The following FMN1 variants were observed in gnomAD, a reference collection of about 807,000 sequenced individuals.
FMN1 encodes formin-1.
FMN1 carries 110 observed loss-of-function variants against 132.4 expected under a neutral mutation model. That is an observed-to-expected ratio of 0.83 (90% CI 0.71 to 0.97). The LOEUF (loss-of-function observed/expected upper bound fraction) is 0.97, where lower values mean the gene tolerates loss of function less well. FMN1 is among the 50% of genes least tolerant of loss of function. The probability of loss-of-function intolerance (pLI) is 0.00; values close to 1 mark genes in which losing one functional copy is unlikely to be tolerated. For synonymous variants in FMN1, 722 were observed against 651.7 expected (o/e 1.11, Z -1.64); for missense variants, 1,792 against 1,705.3 (o/e 1.05, Z -0.90).
intron 16 of FMN1, among the ~76,000 whole-genome samples, chr15:32,875,782 G>T (rs1305489038): frequency 6.6e-6 from 1 of 152,144 alleles, no homozygotes; most frequent in Non-Finnish European, 1.5e-5. Flanking sequence ...ACTTACTTAG[G>T]CAGAAAAAGT....
intron 5 of FMN1, among the ~76,000 whole-genome samples, chr15:33,082,765 T>C (rs1348612084): frequency 2.0e-5 from 3 of 152,170 alleles, no homozygotes; most frequent in South Asian, 2.1e-4. Context: ...GGGTGACTGA[T>C]AGATGCTACC....
intron 5 of FMN1, among the ~76,000 whole-genome samples, chr15:33,078,626 G>A (rs1030692934): frequency 7.0e-6 from 1 of 143,334 alleles, no homozygotes; most frequent in Non-Finnish European, 1.5e-5. Flanking sequence ...ACTAAAATCT[G>A]TAAAATCCAA....
Position 32,769,703 on chromosome 15 carries a change from C to G in FMN1, c.*4607G>C, listed in dbSNP as rs934458503. Reference sequence around the variant, plus strand: ...TTGGAAAGGCTAAAAATTATCCACTCTTTTCAAATCCCATCAGCTTGGCCA... The same window carrying G: ...TTGGAAAGGCTAAAAATTATCCACTGTTTTCAAATCCCATCAGCTTGGCCA... On this transcript the variant is annotated 3_prime_UTR_variant, in exon 21 of 21. Coordinates refer to ENST00000616417, the MANE Select transcript of FMN1 (RefSeq NM_001277313.2). The G allele has an allele frequency of 1.3e-5, 2 of 152,210 alleles. No individual in the cohort carries two copies. The highest frequency in any genetic ancestry group is 2.4e-5 in the African/African-American group (1 of 41,444). 9.4% of individuals were successfully genotyped at this position (152,210 alleles called of 1,614,324 possible). A position where few individuals can be genotyped will look rare whatever the true frequency, so the allele number is the denominator to read the frequency against.
At chr15:33,013,156 C>G (rs2034829221) in intron 6 of FMN1, 1 of 383,176 alleles carries the variant, frequency 2.6e-6, no homozygotes, top group African/African-American at 2.1e-5. Flanking sequence ...GTGAACTCAG[C>G]AAAGCACAGT....
chr15:33,107,478 C>T (rs915288325), intron 4 of FMN1, among the ~76,000 whole-genome samples: 2 of 152,090 alleles, frequency 1.3e-5, no homozygotes, highest in Non-Finnish European at 2.9e-5. Context: ...CCGCCTATCA[C>T]TTTCTCCCCA....
At chr15:33,181,445 C>T (rs1965697451) in intron 2 of FMN1, among the ~76,000 whole-genome samples, 1 of 152,148 alleles carries the variant, frequency 6.6e-6, no homozygotes, top group Admixed American at 6.5e-5. Context: ...TTGACATGAC[C>T]TCCACACACA....
chr15:33,096,351 T>G (rs998314148), intron 4 of FMN1, among the ~76,000 whole-genome samples: 2 of 152,194 alleles, frequency 1.3e-5, no homozygotes, highest in African/African-American at 4.8e-5. Flanking sequence ...ACCTTTGCCC[T>G]TCTAACCAGA....
intron 4 of FMN1, among the ~76,000 whole-genome samples, chr15:33,141,069 C>T (rs1269962960): frequency 6.6e-6 from 1 of 152,110 alleles, no homozygotes; most frequent in East Asian, 1.9e-4. Context: ...AATTATCAGT[C>T]ATAATAGCTA....
At chr15:32,879,450 A>C (rs573544569) in intron 16 of FMN1, among the ~76,000 whole-genome samples, 6 of 152,262 alleles carry the variant, frequency 3.9e-5, no homozygotes, top group African/African-American at 1.4e-4. Flanking sequence ...GAGCTTCCCA[A>C]AAGGTGATAA....
At chr15:32,886,261 G>T (rs1004519697) in intron 16 of FMN1, among the ~76,000 whole-genome samples, 2 of 152,130 alleles carry the variant, frequency 1.3e-5, no homozygotes, top group African/African-American at 2.4e-5. Context: ...TGTGTGAGGT[G>T]GGGGGAGTCA....
intron 7 of FMN1, among the ~76,000 whole-genome samples, chr15:33,007,162 CAT>C (rs1170473298): frequency 6.6e-6 from 1 of 152,140 alleles, no homozygotes; most frequent in African/African-American, 2.4e-5. Flanking sequence ...TATTTCAAAA[CAT>C]GTCATATACC....
intron 15 of FMN1, among the ~76,000 whole-genome samples, chr15:32,893,127 G>C (rs1268691819): frequency 1.3e-5 from 2 of 152,180 alleles, no homozygotes; most frequent in African/African-American, 2.4e-5. Flanking sequence ...AGCTTTGTTA[G>C]GGATACTAGG....
At chr15:33,018,257 A>G (rs2140999621) in intron 6 of FMN1, among the ~76,000 whole-genome samples, 1 of 151,970 alleles carries the variant, frequency 6.6e-6, no homozygotes, top group East Asian at 1.9e-4. Context: ...AAATCCTTAC[A>G]CTTTCCAAAG....
intron 4 of FMN1, chr15:33,150,198 TA>T: frequency 2.0e-6 from 2 of 985,362 alleles, no homozygotes; most frequent in South Asian, 9.4e-5. Flanking sequence ...GAATCAAAGG[TA>T]AATGAAAGCA....
chr15:33,154,322 GA>G lies in FMN1; in HGVS notation c.592del (p.Ser198ProfsTer17). ...TCTAGAAAGAGGAAGGGAGTGGCTG[GA>G]ACAGATCTTGTCCTTGCCCATCAGA... is the stretch of plus-strand genomic sequence containing the variant. ...APLMGKDKIC[S>X]SHSLPLSRTR... On this transcript the variant is annotated frameshift_variant, in exon 4 of 21. Transcript: ENST00000616417. LOFTEE classifies it high-confidence loss of function. 13 of 1,536,158 alleles carry G rather than the reference GA, an allele frequency of 8.5e-6. No individual in the cohort carries two copies. Among genetic ancestry groups the G allele is most frequent in the Non-Finnish European group, 1.1e-5 (13 of 1,146,918 alleles).
intron 5 of FMN1, among the ~76,000 whole-genome samples, chr15:33,080,993 G>A (rs2038432954): frequency 6.6e-6 from 1 of 152,116 alleles, no homozygotes; most frequent in Non-Finnish European, 1.5e-5. Flanking sequence ...AGCCCAAGAT[G>A]ATGAGATGAT....
intron 4 of FMN1, among the ~76,000 whole-genome samples, chr15:33,100,983 TA>T (rs1318195267): frequency 3.3e-5 from 5 of 152,314 alleles, no homozygotes; most frequent in East Asian, 1.9e-4. Flanking sequence ...TTTAAACACA[TA>T]AAAGAGATCA....
At chr15:33,159,832 G>C (rs1016012387) in intron 3 of FMN1, among the ~76,000 whole-genome samples, 2 of 152,220 alleles carry the variant, frequency 1.3e-5, no homozygotes, top group African/African-American at 2.4e-5. Flanking sequence ...AAGTTTTCTT[G>C]TTGGCACCTA....
intron 4 of FMN1, among the ~76,000 whole-genome samples, chr15:33,089,466 T>C (rs1247984497): frequency 6.6e-6 from 1 of 152,210 alleles, no homozygotes; most frequent in Non-Finnish European, 1.5e-5. Context: ...GAGTGAGTAG[T>C]GCATGAGAAA....
Sources: gnomAD v4.1 joint callset for allele counts (sites outside exome capture counted in the v4.1 genomes callset) on GRCh38, gnomAD v4.1.1 for gene constraint, MANE v1.5 for transcripts, NCBI Gene and HGNC (gene_info 2026-07-23, HGNC 2026-07-21) for gene names.